Variants in KLHL13 observed in about 807,000 individuals in gnomAD.
KLHL13 encodes kelch-like protein 13.
A neutral mutation model predicts 37.1 loss-of-function variants in KLHL13; 10 were observed. That is an observed-to-expected ratio of 0.27 (90% CI 0.17 to 0.46). The LOEUF is 0.46. KLHL13 is among the 20% of genes least tolerant of loss of function. The pLI is 1.00. For missense variants in KLHL13, 360 were observed against 509.3 expected (o/e 0.71, Z 2.82); for synonymous variants, 163 against 181.2 (o/e 0.90, Z 0.81).
At chrX:118,070,673 TGA>T (rs1161451682) in intron 1 of KLHL13, among the ~76,000 whole-genome samples, 1 of 111,103 alleles carries the variant, frequency 9.0e-6, no homozygotes, top group Non-Finnish European at 1.9e-5. Context: ...TATCAGTTAC[TGA>T]GAGAGGTGGT....
intron 5 of KLHL13, among the ~76,000 whole-genome samples, chrX:117,904,816 C>T (rs1193038202): frequency 9.0e-6 from 1 of 110,960 alleles, no homozygotes; most frequent in Non-Finnish European, 1.9e-5. Context: ...TCTTTCTGGC[C>T]CTTTACAAAA....
chrX:117,911,481 T>C (rs1930980306), intron 4 of KLHL13, among the ~76,000 whole-genome samples: 1 of 111,810 alleles, frequency 8.9e-6, no homozygotes, highest in Non-Finnish European at 1.9e-5. Context: ...ACACGTACCA[T>C]GGTGGTTTGC....
chrX:118,073,044 A>AGT (rs1433743733), intron 1 of KLHL13, among the ~76,000 whole-genome samples: 1 of 109,055 alleles, frequency 9.2e-6, no homozygotes, highest in Non-Finnish European at 1.9e-5. Flanking sequence ...CAGCGAACCA[A>AGT]GACTGTGCCA....
intron 1 of KLHL13, among the ~76,000 whole-genome samples, chrX:118,035,985 C>A (rs1220033331): frequency 4.0e-5 from 4 of 100,610 alleles, no homozygotes; most frequent in Admixed American, 1.0e-4. Context: ...AGTGAACTCC[C>A]ATTCACAACT....
intron 4 of KLHL13, among the ~76,000 whole-genome samples, chrX:117,913,305 GATAAATGGATAATTGGATATCC>G (rs949975251): frequency 3.6e-5 from 4 of 111,894 alleles, no homozygotes; most frequent in East Asian, 2.8e-4. Context: ...TACATAAAAG[GATAAATGGATAATTGGATATCC>G]ATAAATGGAT....
At chrX:118,057,788 T>G (rs2054701225) in intron 1 of KLHL13, among the ~76,000 whole-genome samples, 1 of 109,331 alleles carries the variant, frequency 9.1e-6, no homozygotes, top group South Asian at 4.0e-4. Context: ...ATTGTGCCAC[T>G]GCACTCCAGT....
At chrX:118,031,113 G>A (rs2054333666) in intron 1 of KLHL13, among the ~76,000 whole-genome samples, 1 of 110,654 alleles carries the variant, frequency 9.0e-6, no homozygotes, top group Non-Finnish European at 1.9e-5. Flanking sequence ...CCAATCTCAT[G>A]ACACATTCCT....
At chrX:118,043,378 C>A (rs1184918972) in intron 1 of KLHL13, among the ~76,000 whole-genome samples, 1 of 111,736 alleles carries the variant, frequency 8.9e-6, no homozygotes, top group Non-Finnish European at 1.9e-5. Flanking sequence ...TACTTCAAAA[C>A]TCATTCTACC....
intron 1 of KLHL13, among the ~76,000 whole-genome samples, chrX:117,989,392 T>C (rs991690686): frequency 2.7e-5 from 3 of 109,586 alleles, no homozygotes; most frequent in Non-Finnish European, 1.9e-5. Context: ...TGGTGTTTAT[T>C]AGTCACCTCT....
At chrX:118,004,434 C>T (rs1044339725) in intron 1 of KLHL13, among the ~76,000 whole-genome samples, 10 of 111,136 alleles carry the variant, frequency 9.0e-5, no homozygotes, top group Admixed American at 1.9e-4. Context: ...AGAGCTAATG[C>T]AGAGAAAGTA....
chrX:118,091,653 T>A (rs1448103186), intron 1 of KLHL13, among the ~76,000 whole-genome samples: 1 of 111,106 alleles, frequency 9.0e-6, no homozygotes, highest in Non-Finnish European at 1.9e-5. Context: ...CTTTAGGGAC[T>A]ATAACAAACG....
chrX:118,017,214 C>A (rs564648171), intron 1 of KLHL13, among the ~76,000 whole-genome samples: 1 of 111,247 alleles, frequency 9.0e-6, no homozygotes, highest in Admixed American at 9.6e-5. Flanking sequence ...TTGATCCATA[C>A]CTCCCTCTCC....
At chrX:117,985,673 GA>G (rs1021688790) in intron 1 of KLHL13, among the ~76,000 whole-genome samples, 12 of 107,808 alleles carry the variant, frequency 1.1e-4, no homozygotes, top group South Asian at 8.0e-4. Context: ...ATCCAACTTA[GA>G]AAAAAAAACA....
chrX:117,923,329 T>G (rs1931827052), intron 2 of KLHL13, among the ~76,000 whole-genome samples: 1 of 112,138 alleles, frequency 8.9e-6, no homozygotes, highest in Admixed American at 9.5e-5. Context: ...CCTTGGGCAT[T>G]GGCATAAAAA....
intron 1 of KLHL13, among the ~76,000 whole-genome samples, chrX:118,109,006 G>A (rs1283905908): frequency 9.0e-6 from 1 of 111,449 alleles, no homozygotes; most frequent in East Asian, 2.8e-4. Flanking sequence ...TATAGAGACA[G>A]GGTCTCGCTT....
chrX:118,044,131 T>A (rs762707754), intron 1 of KLHL13, among the ~76,000 whole-genome samples: 43 of 111,554 alleles, frequency 3.9e-4, no homozygotes, highest in Non-Finnish European at 7.5e-4. Flanking sequence ...AGTAATCCCA[T>A]TTATAATAGC....
chrX:117,968,575 T>A (rs1194401065), intron 1 of KLHL13, among the ~76,000 whole-genome samples: 1 of 111,776 alleles, frequency 8.9e-6, no homozygotes, highest in East Asian at 2.8e-4. Context: ...AAATTGTGCA[T>A]AAGTAATAAA....
At chrX:117,957,820 T>C (rs2053227700) in intron 1 of KLHL13, among the ~76,000 whole-genome samples, 1 of 111,919 alleles carries the variant, frequency 8.9e-6, no homozygotes, top group African/African-American at 3.2e-5. Context: ...GCATATTAGC[T>C]TCAAAACATA....
At chrX:118,079,273 G>C (rs1374317275) in intron 1 of KLHL13, among the ~76,000 whole-genome samples, 1 of 110,427 alleles carries the variant, frequency 9.1e-6, no homozygotes, top group Non-Finnish European at 1.9e-5. Context: ...CTTAAAAGAT[G>C]TATAGGAAGT....
Sources: gnomAD v4.1 joint callset for allele counts (sites outside exome capture counted in the v4.1 genomes callset) on GRCh38, gnomAD v4.1.1 for gene constraint, MANE v1.5 for transcripts, NCBI Gene and HGNC (gene_info 2026-07-23, HGNC 2026-07-21) for gene names.